Variants in SORCS1 observed in about 807,000 individuals in gnomAD.
SORCS1 encodes the protein sortilin related VPS10 domain containing receptor 1.
A neutral mutation model predicts 146.1 loss-of-function variants in SORCS1; 60 were observed. The observed-to-expected ratio is 0.41, with a 90% CI of 0.33 to 0.51. SORCS1 has a LOEUF of 0.51. SORCS1 is among the 20% of genes least tolerant of loss of function. The pLI, the probability that SORCS1 is intolerant of heterozygous loss-of-function variation, is 0.21. For missense variants in SORCS1, 1,352 were observed against 1,487.6 expected, an observed-to-expected ratio of 0.91 and a Z score of 1.50; for synonymous variants, 637 against 584.0, an observed-to-expected ratio of 1.09 and a Z score of -1.31.
chr10:107,023,306 G>A (rs533077008), intron 1 of SORCS1, among the ~76,000 whole-genome samples: 225 of 152,222 alleles, frequency 1.5e-3, no homozygotes, highest in Non-Finnish European at 2.7e-3. Flanking sequence ...GCATCAAACC[G>A]AAACGATCAA....
chr10:106,995,157 A>G (rs1315998374), intron 1 of SORCS1, among the ~76,000 whole-genome samples: 4 of 152,042 alleles, frequency 2.6e-5, no homozygotes, highest in Admixed American at 2.6e-4. Flanking sequence ...CTAAAAAAAT[A>G]CAAAAAATTA....
chr10:107,038,691 GGGGGC>G (rs954519224), intron 1 of SORCS1, among the ~76,000 whole-genome samples: 4 of 64,840 alleles, frequency 6.2e-5, no homozygotes, highest in Non-Finnish European at 1.2e-4. Flanking sequence ...ACCCTGGGCA[GGGGGC>G]GGGGGGGGAG....
chr10:107,032,228 A>C (rs951257208), intron 1 of SORCS1, among the ~76,000 whole-genome samples: 3 of 152,292 alleles, frequency 2.0e-5, no homozygotes, highest in African/African-American at 7.2e-5. Context: ...TGTTGCAACA[A>C]TTAACAGGCA....
At chr10:106,922,334 T>A (rs907433170) in intron 2 of SORCS1, among the ~76,000 whole-genome samples, 1 of 152,182 alleles carries the variant, frequency 6.6e-6, no homozygotes, top group African/African-American at 2.4e-5. Context: ...AGCAGCTGAC[T>A]TCTCAACATG....
intron 2 of SORCS1, among the ~76,000 whole-genome samples, chr10:106,915,433 C>T (rs148241023): frequency 3.9e-5 from 6 of 152,238 alleles, no homozygotes; most frequent in African/African-American, 1.2e-4. Flanking sequence ...ACTTCCTCTT[C>T]GACCTTTCAA....
chr10:106,868,274 C>T (rs1272558259), intron 2 of SORCS1, among the ~76,000 whole-genome samples: 1 of 152,008 alleles, frequency 6.6e-6, no homozygotes, highest in African/African-American at 2.4e-5. Flanking sequence ...ACCCCACTGA[C>T]AGTATTAGAT....
At chr10:106,969,612 G>A (rs992725557) in intron 1 of SORCS1, among the ~76,000 whole-genome samples, 1 of 152,132 alleles carries the variant, frequency 6.6e-6, no homozygotes, top group African/African-American at 2.4e-5. Context: ...TAAAGAAAAC[G>A]AGATCTAAAA....
chr10:107,071,170 G>A (rs1564999959), intron 1 of SORCS1, among the ~76,000 whole-genome samples: 1 of 151,876 alleles, frequency 6.6e-6, no homozygotes, highest in Admixed American at 6.6e-5. Flanking sequence ...GAGAAAACTG[G>A]TTGTCCTCCG....
chr10:107,144,582 G>C (rs1249246963), intron 1 of SORCS1, among the ~76,000 whole-genome samples: 1 of 152,206 alleles, frequency 6.6e-6, no homozygotes, highest in Non-Finnish European at 1.5e-5. Flanking sequence ...TTTAAAGAAA[G>C]AGCATGACTC....
upstream of SORCS1, among the ~76,000 whole-genome samples, chr10:107,164,949 C>T (rs1969999631): frequency 1.3e-5 from 2 of 150,042 alleles, no homozygotes; most frequent in Admixed American, 6.6e-5. The surrounding 1 kb of genome is among the most constrained non-coding windows in gnomAD (Gnocchi z 6.8). Flanking sequence ...TCCCCGCCGC[C>T]CACTCTGCGC....
At chr10:106,659,253 A>G (rs1362981940) in intron 17 of SORCS1, among the ~76,000 whole-genome samples, 1 of 152,216 alleles carries the variant, frequency 6.6e-6, no homozygotes, top group Admixed American at 6.5e-5. Flanking sequence ...AAGACCAGGT[A>G]AAAAGAAGAA....
intron 2 of SORCS1, among the ~76,000 whole-genome samples, chr10:106,929,282 C>T (rs1489629807): frequency 1.3e-5 from 2 of 152,260 alleles, no homozygotes; most frequent in African/African-American, 4.8e-5. Context: ...CTTTTTCTAT[C>T]TTCTTTCCAC....
At chr10:107,140,658 T>C (rs1967733420) in intron 1 of SORCS1, among the ~76,000 whole-genome samples, 1 of 152,246 alleles carries the variant, frequency 6.6e-6, no homozygotes, top group Non-Finnish European at 1.5e-5. Flanking sequence ...TATATTCTTG[T>C]ATATACCTAT....
At chr10:107,051,739 T>A (rs1590024783) in intron 1 of SORCS1, among the ~76,000 whole-genome samples, 1 of 152,130 alleles carries the variant, frequency 6.6e-6, no homozygotes, top group African/African-American at 2.4e-5. Flanking sequence ...TTCAGATACA[T>A]TAATAATTTA....
chr10:107,025,512 G>C (rs932058506), intron 1 of SORCS1, among the ~76,000 whole-genome samples: 1 of 152,164 alleles, frequency 6.6e-6, no homozygotes, highest in African/African-American at 2.4e-5. Context: ...GCCAGCTGTG[G>C]TGCTATTGTT....
intron 17 of SORCS1, among the ~76,000 whole-genome samples, chr10:106,660,322 A>G (rs568658791): frequency 6.6e-6 from 1 of 152,300 alleles, no homozygotes; most frequent in Admixed American, 6.5e-5. Flanking sequence ...ATGTTTTGAT[A>G]CATATATACA....
chr10:106,696,547 C>T (rs946381216), intron 9 of SORCS1, among the ~76,000 whole-genome samples: 1 of 152,164 alleles, frequency 6.6e-6, no homozygotes, highest in Non-Finnish European at 1.5e-5. Flanking sequence ...ATGCAGAGCA[C>T]CTTTACATAA....
In SORCS1 at chr10:107,099,131, G is replaced by A. The variant is rs995517824; in HGVS notation, c.558+64838C>T. Among the ~76,000 whole-genome samples the A allele has an allele frequency of 2.0e-5, 3 of 152,348 alleles. No homozygotes were observed. The East Asian group carries it at 5.8e-4, about 29-fold the overall frequency. ...AAAATTCTACAGCGCTCCAGAGGAT[G>A]TAAAGAAGGAAAAATTCTGAGAGTA... On this transcript the variant is annotated intron_variant, in intron 1 of 25. Coordinates refer to ENST00000263054, the MANE Select transcript of SORCS1 (RefSeq NM_052918.5).
At chr10:107,007,364 C>A (rs1407482225) in intron 1 of SORCS1, among the ~76,000 whole-genome samples, 3 of 152,182 alleles carry the variant, frequency 2.0e-5, no homozygotes, top group Non-Finnish European at 4.4e-5. Context: ...TTTTGGAACA[C>A]TCTGCCTTAA....
Sources: allele counts gnomAD v4.1 joint callset (sites outside exome capture counted in the v4.1 genomes callset), GRCh38; gene constraint gnomAD v4.1.1; non-coding constraint Gnocchi (gnomAD v3.1); transcripts MANE v1.5; gene names NCBI Gene and HGNC (gene_info 2026-07-23, HGNC 2026-07-21).